Variants in NRG3 observed in about 807,000 individuals in gnomAD.
NRG3 encodes neuregulin 3.
Under a neutral mutation model 66.9 loss-of-function variants are expected in NRG3, and 31 were observed. That is an observed-to-expected ratio of 0.46 (90% CI 0.35 to 0.63). NRG3 has a LOEUF of 0.63. Ranked by LOEUF, NRG3 falls within the 20% of genes least tolerant of loss-of-function variation. NRG3 has a pLI of 0.00. For missense variants in NRG3, 910 were observed against 878.9 expected (o/e 1.04, Z -0.45); for synonymous variants, 393 against 359.4 (o/e 1.09, Z -1.06).
chr10:82,268,550 T>A (rs2078425756), intron 1 of NRG3, among the ~76,000 whole-genome samples: 1 of 152,132 alleles, frequency 6.6e-6, no homozygotes, highest in South Asian at 2.1e-4. Context: ...ATCCTCTTTC[T>A]TATATATTTT....
intron 1 of NRG3, among the ~76,000 whole-genome samples, chr10:82,305,277 G>C (rs1589659957): frequency 6.6e-6 from 1 of 152,108 alleles, no homozygotes; most frequent in East Asian, 1.9e-4. Context: ...TTACAGGCTT[G>C]AGCTACCGCG....
intron 2 of NRG3, among the ~76,000 whole-genome samples, chr10:82,615,163 T>C (rs899914664): frequency 1.3e-5 from 2 of 152,166 alleles, no homozygotes; most frequent in African/African-American, 2.4e-5. Context: ...TCCTAATTGA[T>C]TAATTTATTA....
intron 2 of NRG3, among the ~76,000 whole-genome samples, chr10:82,421,428 G>A (rs938846183): frequency 2.0e-5 from 3 of 151,826 alleles, no homozygotes; most frequent in Admixed American, 1.3e-4. Context: ...AAGTCTATGC[G>A]GCAACAATGA....
chr10:82,204,899 T>A (rs1466584152), intron 1 of NRG3, among the ~76,000 whole-genome samples: 1 of 152,198 alleles, frequency 6.6e-6, no homozygotes, highest in African/African-American at 2.4e-5. Flanking sequence ...AGTGAGGATG[T>A]TTGCACAAGG....
At chr10:82,041,626 C>A (rs2063039198) in intron 1 of NRG3, among the ~76,000 whole-genome samples, 1 of 152,012 alleles carries the variant, frequency 6.6e-6, no homozygotes, top group East Asian at 1.9e-4. Flanking sequence ...TGGTCAGGAA[C>A]AACATTCCTC....
At chr10:82,355,858 ATTTAC>A (rs2083745820) in intron 1 of NRG3, among the ~76,000 whole-genome samples, 1 of 152,162 alleles carries the variant, frequency 6.6e-6, no homozygotes, top group Non-Finnish European at 1.5e-5. Context: ...AATTGCAGTT[ATTTAC>A]TTAGAGAATG....
chr10:82,801,733 G>A lies in NRG3; in HGVS notation c.1027+63083G>A, dbSNP rs116913371. Among the ~76,000 whole-genome samples, 456 of 152,298 alleles carry A rather than the reference G, an allele frequency of 3.0e-3. 3 individuals carry two copies. Among genetic ancestry groups the A allele is most frequent in the Admixed American group, 5.0e-3 (76 of 15,302 alleles). Reference sequence around the variant, plus strand: ...TTTCAAGACACTATTTGAAGAGTACGCAGAATTTCTTGGGAGAGGAATATT... The same window carrying A: ...TTTCAAGACACTATTTGAAGAGTACACAGAATTTCTTGGGAGAGGAATATT... On this transcript the variant is annotated intron_variant, in intron 3 of 8. Transcript: ENST00000372141.
At chr10:82,875,581 C>G (rs138060255) in intron 4 of NRG3, among the ~76,000 whole-genome samples, 1 of 152,240 alleles carries the variant, frequency 6.6e-6, no homozygotes, top group Non-Finnish European at 1.5e-5. Context: ...TGGTATCAAA[C>G]TCCTGTGCTC....
intron 3 of NRG3, among the ~76,000 whole-genome samples, chr10:82,832,619 A>G (rs2062582152): frequency 6.6e-6 from 1 of 152,190 alleles, no homozygotes; most frequent in Admixed American, 6.6e-5. Context: ...GTTATTTATT[A>G]TAGCAACTCT....
chr10:82,830,463 A>G (rs1458067633), intron 3 of NRG3, among the ~76,000 whole-genome samples: 4 of 152,220 alleles, frequency 2.6e-5, no homozygotes, highest in Non-Finnish European at 5.9e-5. Context: ...AGCTACCTAG[A>G]TGATTTACAA....
chr10:82,508,196 C>T (rs1294202260), intron 2 of NRG3, among the ~76,000 whole-genome samples: 3 of 152,148 alleles, frequency 2.0e-5, no homozygotes, highest in African/African-American at 7.2e-5. Flanking sequence ...TAACATGTAA[C>T]AAACTGCAAA....
chr10:82,408,740 TTATG>T (rs2087818671), intron 2 of NRG3, among the ~76,000 whole-genome samples: 1 of 151,386 alleles, frequency 6.6e-6, no homozygotes, highest in African/African-American at 2.4e-5. Flanking sequence ...GGAAAACTAT[TTATG>T]TAAGGTAGAT....
rs115882575 is a variant in NRG3, at chr10:82,795,132, A to C, written c.1027+56482A>C. Among the ~76,000 whole-genome samples, 682 of 152,366 alleles carry C rather than the reference A, an allele frequency of 4.5e-3. 2 individuals are homozygous for C. The highest frequency in any genetic ancestry group is 0.016 in the African/African-American group (663 of 41,584). Reference sequence around the variant, plus strand: ...GATTTCCATTACTGGATATCTTCAAATAAATGATTGATGGTAATTTGATAT... The same window carrying C: ...GATTTCCATTACTGGATATCTTCAACTAAATGATTGATGGTAATTTGATAT... On this transcript the variant is annotated intron_variant, in intron 3 of 8. Transcript: ENST00000372141.
intron 1 of NRG3, among the ~76,000 whole-genome samples, chr10:82,212,468 C>T (rs1033843464): frequency 6.6e-6 from 1 of 152,194 alleles, no homozygotes; most frequent in Non-Finnish European, 1.5e-5. Flanking sequence ...AGTGCTTTCG[C>T]ATAAGTTAAC....
intron 4 of NRG3, among the ~76,000 whole-genome samples, chr10:82,912,503 A>T (rs1591929782): frequency 6.6e-6 from 1 of 152,172 alleles, no homozygotes; most frequent in South Asian, 2.1e-4. Flanking sequence ...AAGTGTTAGC[A>T]TGGTATATCT....
intron 4 of NRG3, among the ~76,000 whole-genome samples, chr10:82,893,933 A>C (rs1843410146): frequency 6.6e-6 from 1 of 152,214 alleles, no homozygotes. Flanking sequence ...TCAGATAAAG[A>C]GAGGATCAGA....
At chr10:81,919,248 G>A (rs1846016387) in intron 1 of NRG3, among the ~76,000 whole-genome samples, 1 of 152,184 alleles carries the variant, frequency 6.6e-6, no homozygotes. Context: ...TGCTGAGTTA[G>A]GATAGGATAT....
chr10:82,834,599 G>C (rs2062688551), intron 3 of NRG3, among the ~76,000 whole-genome samples: 1 of 152,166 alleles, frequency 6.6e-6, no homozygotes, highest in Non-Finnish European at 1.5e-5. Context: ...TATCATGAAT[G>C]GCCTAATCTT....
chr10:81,961,198 A>T (rs1589605756), intron 1 of NRG3, among the ~76,000 whole-genome samples: 2 of 152,228 alleles, frequency 1.3e-5, no homozygotes, highest in Non-Finnish European at 2.9e-5. Context: ...ACACATCATG[A>T]ATAATGATGA....
Sources: gnomAD v4.1 joint callset for allele counts (sites outside exome capture counted in the v4.1 genomes callset) on GRCh38, gnomAD v4.1.1 for gene constraint, MANE v1.5 for transcripts, NCBI Gene and HGNC (gene_info 2026-07-23, HGNC 2026-07-21) for gene names.